The following POLA1 variants were observed in gnomAD, a reference collection of about 807,000 sequenced individuals.
POLA1 encodes DNA polymerase alpha catalytic subunit.
POLA1 carries 15 observed loss-of-function variants against 124.0 expected under a neutral mutation model. The observed-to-expected ratio is 0.12, with a 90% CI of 0.08 to 0.19. The LOEUF is 0.19. Among genes scored for constraint, POLA1 ranks in the 10% least tolerant of loss-of-function variants. The probability of loss-of-function intolerance (pLI) is 1.00; values close to 1 mark genes in which losing one functional copy is unlikely to be tolerated. For synonymous variants in POLA1, 408 were observed against 389.4 expected (o/e 1.05, Z -0.56); for missense variants, 886 against 1,103.4 (o/e 0.80, Z 2.79).
intron 35 of POLA1, among the ~76,000 whole-genome samples, chrX:24,891,645 C>T (rs1047756255): frequency 8.9e-6 from 1 of 111,831 alleles, no homozygotes; most frequent in Non-Finnish European, 1.9e-5. Context: ...TTCTCAGTTG[C>T]TCTGTCTCAA....
chrX:24,795,152 G>A (rs763109256), intron 26 of POLA1, among the ~76,000 whole-genome samples: 22 of 110,978 alleles, frequency 2.0e-4, no homozygotes, highest in South Asian at 7.8e-4. Context: ...GCATTCCAAC[G>A]TTTTAATGCT....
chrX:24,699,422 C>T lies in POLA1; in HGVS notation c.44-3C>T. 1.8e-6 allele frequency: 2 copies of T among 1,136,450 alleles called. No homozygotes were observed. The highest frequency in any genetic ancestry group is 2.8e-5 in the Admixed American group (1 of 35,958). 93.7% of individuals were successfully genotyped at this position (1,136,450 alleles called of 1,213,427 possible). Reference sequence around the variant, plus strand: ...CTGTTGTAAATTTTTTTTCTTTTTTCAGCTCTGTCAGATTCAGGGAGTTTT... The same window carrying T: ...CTGTTGTAAATTTTTTTTCTTTTTTTAGCTCTGTCAGATTCAGGGAGTTTT... On this transcript the variant is annotated splice_polypyrimidine_tract_variant and splice_region_variant and intron_variant, in intron 1 of 36. Coordinates refer to ENST00000379068, the MANE Select transcript of POLA1 (RefSeq NM_001330360.2).
Position 24,978,134 on chromosome X carries a change from C to T in POLA1, c.4262-17671C>T, listed in dbSNP as rs1334541799. On this transcript the variant is annotated intron_variant, in intron 36 of 36. Coordinates refer to ENST00000379068, the MANE Select transcript of POLA1 (RefSeq NM_001330360.2). Reference sequence around the variant, plus strand: ...AGTGAGGATTTGGGAGTTTACAGAGCAAAATATGTGTATTTAGTGTGCCAT... The same window carrying T: ...AGTGAGGATTTGGGAGTTTACAGAGTAAAATATGTGTATTTAGTGTGCCAT... Among the ~76,000 whole-genome samples the T allele has an allele frequency of 2.7e-5, 3 of 112,065 alleles. No individual in the cohort carries two copies. In the East Asian group the frequency reaches 8.4e-4, roughly 31 times the overall value.
At chrX:24,834,494 G>A (rs753216761) in intron 32 of POLA1, among the ~76,000 whole-genome samples, 1 of 112,057 alleles carries the variant, frequency 8.9e-6, no homozygotes, top group African/African-American at 3.2e-5. Flanking sequence ...TTGTTGGGCT[G>A]GGCATGGTGG....
intron 26 of POLA1, among the ~76,000 whole-genome samples, chrX:24,763,760 A>T (rs896863444): frequency 1.8e-5 from 2 of 111,879 alleles, no homozygotes; most frequent in Non-Finnish European, 3.8e-5. Flanking sequence ...GTTTTGAAAA[A>T]TTTCCATTGA....
intron 32 of POLA1, among the ~76,000 whole-genome samples, chrX:24,834,322 A>T (rs771997537): frequency 2.3e-4 from 26 of 111,829 alleles, no homozygotes; most frequent in Non-Finnish European, 4.3e-4. Flanking sequence ...TTGGGTATTC[A>T]TTTAAACCAA....
At chrX:24,986,468 TTAAA>T (rs1447351352) in intron 36 of POLA1, among the ~76,000 whole-genome samples, 1 of 107,890 alleles carries the variant, frequency 9.3e-6, no homozygotes, top group Non-Finnish European at 1.9e-5. Context: ...CTTTGTCTCT[TTAAA>T]TATATATATA....
At chrX:24,965,013 T>C (rs1023399501) in intron 36 of POLA1, among the ~76,000 whole-genome samples, 17 of 111,839 alleles carry the variant, frequency 1.5e-4, no homozygotes, top group Non-Finnish European at 9.4e-5. Context: ...GTGAATGGAC[T>C]GCAGCAATTA....
rs745788093 is a variant in POLA1 at position 24,709,380 on chromosome X, A to G, written c.346+4911A>G. On this transcript the variant is annotated intron_variant, in intron 4 of 36. Transcript: ENST00000379068. ...TCCCTCCCGGACAGCACGGCTGGCC[A>G]GGCGGGGGGCTGACCCCCCCACCTC... 6.6e-3 allele frequency among the ~76,000 whole-genome samples: 339 copies of G among 51,743 alleles called. 5 individuals are homozygous for G. The highest frequency in any genetic ancestry group is 0.026 in the African/African-American group (304 of 11,739). The allele number at this position is 51,743 out of a possible 115,157, so 44.9% of individuals were successfully genotyped here.
At chrX:24,908,364 A>G (rs939899472) in intron 35 of POLA1, among the ~76,000 whole-genome samples, 6 of 103,910 alleles carry the variant, frequency 5.8e-5, no homozygotes, top group Admixed American at 5.2e-4. Flanking sequence ...CATTAAGTAT[A>G]TCTCCTAATG....
In POLA1 at chrX:24,995,783, ATCTC is replaced by A. The variant is rs755010278; in HGVS notation, c.4262-10_4262-7del. 59 of 1,161,136 alleles carry A rather than the reference ATCTC, an allele frequency of 5.1e-5. No individual in the cohort carries two copies. Among genetic ancestry groups the A allele is most frequent in the Non-Finnish European group, 6.7e-5 (57 of 855,971 alleles). On this transcript the variant is annotated intron_variant, in intron 36 of 36. Coordinates refer to ENST00000379068, the MANE Select transcript of POLA1 (RefSeq NM_001330360.2). ...TTAAAGAAACTACCTGAGACTTCTA[ATCTC>A]TCTCTCTCTCTTTTTAGATAAATTG...
chrX:24,806,925 G>A (rs1190023333), intron 26 of POLA1, among the ~76,000 whole-genome samples: 1 of 111,962 alleles, frequency 8.9e-6, no homozygotes, highest in African/African-American at 3.3e-5. Flanking sequence ...CTCTTTATGT[G>A]TGAATTTGAA....
intron 23 of POLA1, 142 bp from the exon 24 acceptor site, chrX:24,745,276 T>TC: frequency 3.0e-6 from 1 of 327,987 alleles, no homozygotes; most frequent in Non-Finnish European, 5.2e-6. Context: ...ATTCTTTTTT[T>TC]CCCTTTTTGT....
At chrX:24,758,257 G>T (rs1047221289) in intron 26 of POLA1, among the ~76,000 whole-genome samples, 1 of 110,660 alleles carries the variant, frequency 9.0e-6, no homozygotes, top group Admixed American at 9.7e-5. Context: ...TAATATATAT[G>T]TTATATATAA....
chrX:24,911,914 G>A (rs2047453637), intron 35 of POLA1, among the ~76,000 whole-genome samples: 1 of 112,257 alleles, frequency 8.9e-6, no homozygotes, highest in Non-Finnish European at 1.9e-5. Flanking sequence ...GTCTATGAAA[G>A]AAATTGTATT....
Position 24,741,115 on chromosome X carries a change from TTGTGTG to T in POLA1, c.2217-233_2217-228del, listed in dbSNP as rs751996539. Among the ~76,000 whole-genome samples, 82 of 89,571 alleles carry T rather than the reference TTGTGTG, an allele frequency of 9.2e-4. No individual in the cohort carries two copies. The East Asian group carries it at 1.0e-2, about 11-fold the overall frequency. 77.8% of individuals were successfully genotyped at this position (89,571 alleles called of 115,157 possible). A position where few individuals can be genotyped will look rare whatever the true frequency, so the allele number is the denominator to read the frequency against. On this transcript the variant is annotated intron_variant, in intron 20 of 36. Transcript: ENST00000379068. ...TACTTCAGTTTTTCCTTATGGGATT[TTGTGTG>T]TGTGTGTGTGTGTGTGTGTGTGTGT...
rs1930679708 is a variant in POLA1, at chrX:24,728,445, T to C, written c.1686+509T>C. Among the ~76,000 whole-genome samples the C allele has an allele frequency of 2.7e-5, 3 of 112,061 alleles. No homozygotes were observed. The South Asian group carries it at 1.1e-3, about 42-fold the overall frequency. The stretch of plus-strand genomic sequence containing the variant: ...CTAAAATACCCAGTCCATACTTACA[T>C]GACTCTGTCTCTCAAGATGCCTTTT... On this transcript the variant is annotated intron_variant, in intron 15 of 36. Transcript: ENST00000379068.
chrX:24,758,241 A>G (rs1739522476), intron 26 of POLA1, among the ~76,000 whole-genome samples: 1 of 111,222 alleles, frequency 9.0e-6, no homozygotes, highest in African/African-American at 3.3e-5. Flanking sequence ...ATATATGGTA[A>G]GCATATAATA....
At chrX:24,851,082 A>C (rs1244959629) in intron 34 of POLA1, among the ~76,000 whole-genome samples, 2 of 112,174 alleles carry the variant, frequency 1.8e-5, no homozygotes, top group Non-Finnish European at 3.8e-5. Context: ...CCAGTAAAGT[A>C]GTTTCCTTTT....
Sources: allele counts gnomAD v4.1 joint callset (sites outside exome capture counted in the v4.1 genomes callset), GRCh38; gene constraint gnomAD v4.1.1; transcripts MANE v1.5; gene names NCBI Gene and HGNC (gene_info 2026-07-23, HGNC 2026-07-21).